Variants in MPZL3 observed in about 807,000 individuals in gnomAD.
MPZL3 encodes myelin protein zero like 3, also known as myelin protein zero-like protein 3.
MPZL3 carries 23 observed loss-of-function variants against 24.8 expected under a neutral mutation model. The observed-to-expected ratio is 0.93, with a 90% confidence interval of 0.67 to 1.31. The LOEUF (loss-of-function observed/expected upper bound fraction) is 1.31, where lower values mean the gene tolerates loss of function less well. MPZL3 is among the 40% of genes most tolerant of loss of function. The pLI is 0.00. For missense variants in MPZL3, 277 were observed against 294.9 expected, an observed-to-expected ratio of 0.94 and a Z score of 0.44; for synonymous variants, 99 against 106.5, an observed-to-expected ratio of 0.93 and a Z score of 0.44.
rs531047550 is a variant in MPZL3, at chr11:118,237,397, A to G, written c.241-137T>C. The G allele has an allele frequency of 4.2e-5, 30 of 713,394 alleles. No individual in the cohort carries two copies. In the South Asian group the frequency reaches 5.0e-4, roughly 12 times the overall value. 44.2% of individuals were successfully genotyped at this position (713,394 alleles called of 1,614,324 possible). A position where few individuals can be genotyped will look rare whatever the true frequency, so the allele number is the denominator to read the frequency against. Reference sequence around the variant, plus strand: ...GTTGGGCAACTTTTTATGCTTTTTTAACCTCCATCCTATAGGTTAATAAAA... The same window carrying G: ...GTTGGGCAACTTTTTATGCTTTTTTGACCTCCATCCTATAGGTTAATAAAA... On this transcript the variant is annotated intron_variant, in intron 2 of 5. Transcript: ENST00000278949.
intron 3 of MPZL3, 99 bp from the exon 4 acceptor site, chr11:118,235,688 G>T: frequency 2.6e-6 from 3 of 1,169,484 alleles, no homozygotes; most frequent in Non-Finnish European, 3.6e-6. Context: ...TATTTCTTCT[G>T]ATTACAAAAG....
rs201276835 is a variant in MPZL3, at chr11:118,237,195, C to T, written c.306G>A (p.Trp102Ter). ...CATCCCCTTTGTATACATTTCCAAC[C>T]CAGGAAATCCGATCCCGAAATGTGC... ...TAGTFRDRIS[W>*]VGNVYKGDAS... is the part of the protein sequence containing the mutation. The change falls in exon 3 of 6, where the codon TGG becomes TGA. Residue 102 changes from tryptophan to a stop codon, truncating the protein, a stop_gained. Transcript: ENST00000278949. LOFTEE classifies it high-confidence loss of function. The T allele has an allele frequency of 4.2e-4, 683 of 1,613,954 alleles. 2 individuals carry two copies. The highest frequency in any genetic ancestry group is 5.4e-4 in the Non-Finnish European group (637 of 1,179,982).
chr11:118,244,893 G>A (rs1274419777), intron 1 of MPZL3, among the ~76,000 whole-genome samples: 3 of 152,082 alleles, frequency 2.0e-5, no homozygotes, highest in Non-Finnish European at 2.9e-5. Context: ...TGGCTAACAC[G>A]GTGAAACCCC....
At chr11:118,231,659 T>A (rs540474648) in intron 5 of MPZL3, among the ~76,000 whole-genome samples, 14 of 152,334 alleles carry the variant, frequency 9.2e-5, no homozygotes, top group African/African-American at 3.4e-4. Flanking sequence ...GACTTCCACA[T>A]ATTAGCAAAT....
chr11:118,238,204 C>G (rs761104402), intron 2 of MPZL3, among the ~76,000 whole-genome samples: 52 of 152,092 alleles, frequency 3.4e-4, no homozygotes, highest in Non-Finnish European at 4.4e-5. Flanking sequence ...AGTTGCTCTA[C>G]GGTATACAAC....
intron 4 of MPZL3, among the ~76,000 whole-genome samples, chr11:118,234,155 C>A (rs1949390022): frequency 6.6e-6 from 1 of 152,202 alleles, no homozygotes; most frequent in Admixed American, 6.5e-5. Flanking sequence ...GTGTACTGAG[C>A]ACTGACAAAG....
At chr11:118,249,716 G>T (rs1035706678) in intron 1 of MPZL3, among the ~76,000 whole-genome samples, 4 of 151,896 alleles carry the variant, frequency 2.6e-5, no homozygotes, top group African/African-American at 4.8e-5. Context: ...GTAAAAGAGA[G>T]AAAAGTTTAA....
At position 118,252,285 on chromosome 11, in the gene MPZL3, T is replaced by C. The variant is rs751880329; in HGVS notation, c.10A>G (p.Arg4Gly). The change falls in exon 1 of 6, where the codon AGA becomes GGA. Residue 4 changes from arginine to glycine, a missense_variant. Transcript: ENST00000278949. ...CAGCCACGGCTTCCAGCTGCTCCTC[T>C]CTGCTGCATCCCGGCAGCTCTTCAG... MQQRGAAGSRGCAL... is the reference protein window; with the variant it reads MQQGGAAGSRGCAL... 1.9e-6 allele frequency: 3 copies of C among 1,614,012 alleles called. No homozygotes were observed. The highest frequency in any genetic ancestry group is 1.3e-5 in the African/African-American group (1 of 75,052).
rs952314215 is a variant in MPZL3 at position 118,252,336 on chromosome 11, C to G, written c.-42G>C. ...ATGCTTGCACACCTTGTTTACAGCT[C>G]CCGGTAACGACACAGGTAACACCGG... On this transcript the variant is annotated 5_prime_UTR_variant, in exon 1 of 6. Coordinates refer to ENST00000278949, the MANE Select transcript of MPZL3 (RefSeq NM_198275.3). The G allele has an allele frequency of 1.3e-6, 2 of 1,597,248 alleles. No individual in the cohort carries two copies. The highest frequency in any genetic ancestry group is 3.3e-5 in the Admixed American group (2 of 59,854).
chr11:118,235,710 T>C, intron 3 of MPZL3, 121 bp from the exon 4 acceptor site: 1 of 1,021,624 alleles, frequency 9.8e-7, no homozygotes, highest in Non-Finnish European at 1.4e-6. Flanking sequence ...AATAAATCAT[T>C]GTGTGAAAGG....
chr11:118,229,697 T>C lies in MPZL3; in HGVS notation c.*197A>G, dbSNP rs145158310. The C allele has an allele frequency of 6.1e-4, 311 of 509,566 alleles. 1 individual carries two copies. Among genetic ancestry groups the C allele is most frequent in the African/African-American group, 5.7e-3 (289 of 50,962 alleles). The allele number at this position is 509,566 out of a possible 1,614,324, so 31.6% of individuals were successfully genotyped here. On this transcript the variant is annotated 3_prime_UTR_variant, in exon 6 of 6. Coordinates refer to ENST00000278949, the MANE Select transcript of MPZL3 (RefSeq NM_198275.3). ...GGAAGTCATGAGTCTCTTATGAGAG[T>C]TCCTGAACAGTTTATAAATACAACA...
intron 5 of MPZL3, among the ~76,000 whole-genome samples, chr11:118,232,772 G>A (rs1035973645): frequency 1.3e-5 from 2 of 152,050 alleles, no homozygotes; most frequent in African/African-American, 2.4e-5. Context: ...ATTAGTCATC[G>A]AGCCAAGTGT....
rs996298760 is a variant in MPZL3 at position 118,252,143 on chromosome 11, C to T, written c.73+79G>A. 9.5e-6 allele frequency: 14 copies of T among 1,481,132 alleles called. No individual in the cohort carries two copies. The East Asian group carries it at 3.2e-4, about 34-fold the overall frequency. 91.7% of individuals were successfully genotyped at this position (1,481,132 alleles called of 1,614,324 possible). On this transcript the variant is annotated intron_variant, in intron 1 of 5. Coordinates refer to ENST00000278949, the MANE Select transcript of MPZL3 (RefSeq NM_198275.3). ...CTATGCGGGGGCTTTCTGGAGACCC[C>T]CCTACCCGGAACCGGAAAAGCGACC...
At position 118,227,708 on chromosome 11, in the gene MPZL3, C is replaced by T. The variant is rs1277279453; in HGVS notation, c.*2186G>A. The T allele has an allele frequency of 6.6e-6, 1 of 152,202 alleles. No homozygotes were observed. Among genetic ancestry groups the T allele is most frequent in the Non-Finnish European group, 1.5e-5 (1 of 68,032 alleles). 9.4% of individuals were successfully genotyped at this position (152,202 alleles called of 1,614,324 possible). A position where few individuals can be genotyped will look rare whatever the true frequency, so the allele number is the denominator to read the frequency against. ...GAGCACCAATTACCTCAAGTTTAGA[C>T]TAGGTGTCAATCTACAAACATACTA... On this transcript the variant is annotated 3_prime_UTR_variant, in exon 6 of 6. Transcript: ENST00000278949.
intron 5 of MPZL3, 109 bp downstream of exon 5, chr11:118,233,351 G>T: frequency 8.2e-7 from 1 of 1,219,926 alleles, no homozygotes; most frequent in Non-Finnish European, 1.2e-6. Flanking sequence ...TATCTTGCTT[G>T]GACCTACCTG....
intron 1 of MPZL3, among the ~76,000 whole-genome samples, chr11:118,242,301 A>T (rs1949507315): frequency 6.6e-6 from 1 of 152,246 alleles, no homozygotes; most frequent in Non-Finnish European, 1.5e-5. Flanking sequence ...CTGAAGAGCC[A>T]CTACAATCAA....
In MPZL3 at chr11:118,229,763, A is replaced by T; in HGVS notation, c.*131T>A. 1 of 756,298 alleles carries T rather than the reference A, an allele frequency of 1.3e-6. No individual in the cohort carries two copies. The highest frequency in any genetic ancestry group is 2.2e-6 in the Non-Finnish European group (1 of 456,324). 46.8% of individuals were successfully genotyped at this position (756,298 alleles called of 1,614,324 possible). On this transcript the variant is annotated 3_prime_UTR_variant, in exon 6 of 6. Transcript: ENST00000278949. ...TAAATAAGTGGTTCCTAAAGTCTTT[A>T]CTGATGATCTCCAGGATTGTCCATC... is the stretch of plus-strand genomic sequence containing the variant.
At chr11:118,240,842 G>A (rs1949488775) in intron 1 of MPZL3, among the ~76,000 whole-genome samples, 1 of 151,740 alleles carries the variant, frequency 6.6e-6, no homozygotes, top group East Asian at 1.9e-4. Context: ...TAGCATGGTT[G>A]CATCATGAAG....
intron 5 of MPZL3, among the ~76,000 whole-genome samples, chr11:118,230,423 ACTG>A (rs1393749867): frequency 6.6e-6 from 1 of 152,150 alleles, no homozygotes; most frequent in Non-Finnish European, 1.5e-5. Context: ...ACCTCATAGA[ACTG>A]TTATGAGAAT....
Sources: allele counts gnomAD v4.1 joint callset (sites outside exome capture counted in the v4.1 genomes callset), GRCh38; gene constraint gnomAD v4.1.1; transcripts MANE v1.5; gene names NCBI Gene and HGNC (gene_info 2026-07-23, HGNC 2026-07-21).